The following ANKRD42 variants were observed in gnomAD, a reference collection of about 807,000 sequenced individuals.
ANKRD42 encodes the protein ankyrin repeat domain 42.
Under a neutral mutation model 51.5 loss-of-function variants are expected in ANKRD42, and 43 were observed. The ratio of observed to expected loss-of-function variants is 0.83; its 90% CI spans 0.65 to 1.08. The LOEUF (loss-of-function observed/expected upper bound fraction) is 1.08. Ranked by LOEUF, ANKRD42 falls within the 50% of genes least tolerant of loss-of-function variation. The pLI, the probability that ANKRD42 is intolerant of heterozygous loss-of-function variation, is 0.00. For missense variants in ANKRD42, 608 were observed against 629.3 expected (o/e 0.97, Z 0.36); for synonymous variants, 203 against 213.0 (o/e 0.95, Z 0.41).
downstream of ANKRD42, chr11:83,262,048 T>A: frequency 4.2e-6 from 4 of 956,088 alleles, no homozygotes; most frequent in African/African-American, 3.4e-5. Flanking sequence ...TATCTTTAAG[T>A]GAAGAGCAAA....
intron 5 of ANKRD42, among the ~76,000 whole-genome samples, chr11:83,217,202 A>ATC (rs1862568340): frequency 1.3e-5 from 2 of 152,350 alleles, no homozygotes; most frequent in South Asian, 4.1e-4. Context: ...GAGCCCAGGT[A>ATC]TCTATTGGTT....
intron 5 of ANKRD42, among the ~76,000 whole-genome samples, chr11:83,222,201 A>G (rs146153747): frequency 0.013 from 1,918 of 152,044 alleles, 42 homozygotes; most frequent in African/African-American, 0.044. Context: ...AGTGCTGTAT[A>G]TTTGTTTTTG....
chr11:83,197,728 T>C (rs1361969119), intron 1 of ANKRD42, among the ~76,000 whole-genome samples: 1 of 152,230 alleles, frequency 6.6e-6, no homozygotes, highest in Non-Finnish European at 1.5e-5. Context: ...TCACAATGCT[T>C]ATTAATTAAA....
intron 6 of ANKRD42, among the ~76,000 whole-genome samples, chr11:83,226,577 T>C (rs912642744): frequency 1.3e-5 from 2 of 152,234 alleles, no homozygotes; most frequent in South Asian, 2.1e-4. Flanking sequence ...TTAAGACTTT[T>C]ACTATAATGC....
intron 1 of ANKRD42, among the ~76,000 whole-genome samples, chr11:83,195,151 C>T (rs866343846): frequency 1.3e-5 from 2 of 152,186 alleles, no homozygotes; most frequent in South Asian, 4.1e-4. Flanking sequence ...AGCTTTTACC[C>T]CTTGATGATG....
At chr11:83,212,825 T>G in intron 5 of ANKRD42, 7 of 1,450,810 alleles carry the variant, frequency 4.8e-6, no homozygotes, top group Non-Finnish European at 5.5e-6. Flanking sequence ...TAGTGAAGTC[T>G]TTTGGTATGA....
chr11:83,218,449 T>A (rs1283513370), intron 5 of ANKRD42, among the ~76,000 whole-genome samples: 1 of 152,200 alleles, frequency 6.6e-6, no homozygotes, highest in African/African-American at 2.4e-5. Context: ...TAAGGTCTGA[T>A]CAAGGAGCAA....
downstream of ANKRD42, chr11:83,260,139 T>C (rs1423357624): frequency 2.0e-5 from 3 of 152,214 alleles, no homozygotes; most frequent in Admixed American, 6.5e-5. Flanking sequence ...CTACTGGAGC[T>C]TCCTTCACAT....
At chr11:83,247,575 A>G (rs2135559569) in intron 10 of ANKRD42, among the ~76,000 whole-genome samples, 1 of 152,306 alleles carries the variant, frequency 6.6e-6, no homozygotes, top group South Asian at 2.1e-4. Context: ...GCCACTGTGT[A>G]TGAAATGTTA....
At chr11:83,228,395 A>G (rs903641401) in intron 7 of ANKRD42, among the ~76,000 whole-genome samples, 8 of 151,292 alleles carry the variant, frequency 5.3e-5, no homozygotes, top group African/African-American at 1.9e-4. Flanking sequence ...CACCCGGCTA[A>G]TTTTTTGTCT....
At chr11:83,197,001 A>G (rs1472050570) in intron 1 of ANKRD42, among the ~76,000 whole-genome samples, 2 of 152,128 alleles carry the variant, frequency 1.3e-5, no homozygotes, top group African/African-American at 4.8e-5. Flanking sequence ...ATAGAACATC[A>G]TTTGTAGGTC....
intron 3 of ANKRD42, among the ~76,000 whole-genome samples, chr11:83,208,777 T>C (rs1862185800): frequency 6.6e-6 from 1 of 152,184 alleles, no homozygotes; most frequent in Non-Finnish European, 1.5e-5. Flanking sequence ...TTAATGTGTC[T>C]GTAGGTCATC....
At chr11:83,206,419 A>G (rs545397294) in intron 3 of ANKRD42, among the ~76,000 whole-genome samples, 1 of 152,182 alleles carries the variant, frequency 6.6e-6, no homozygotes. Flanking sequence ...TAACCAGATT[A>G]TCTCTTTTAT....
chr11:83,194,526 A>G lies in ANKRD42; in HGVS notation c.-145A>G, dbSNP rs1861547963. The G allele has an allele frequency of 7.7e-6, 6 of 775,300 alleles. No homozygotes were observed. Among genetic ancestry groups the G allele is most frequent in the Non-Finnish European group, 1.3e-5 (6 of 446,534 alleles). 48.0% of individuals were successfully genotyped at this position (775,300 alleles called of 1,614,324 possible). A position where few individuals can be genotyped will look rare whatever the true frequency, so the allele number is the denominator to read the frequency against. ...TCCGCTGCAGCTTCTGGGAGAGAGC[A>G]AGAGAGGACCTTGGGCCCCGTCCTA... On this transcript the variant is annotated 5_prime_UTR_variant, in exon 1 of 11. Transcript: ENST00000533342.
At position 83,245,750 on chromosome 11, in the gene ANKRD42, C is replaced by T; in HGVS notation, c.1322+126C>T. 7 of 1,079,110 alleles carry T rather than the reference C, an allele frequency of 6.5e-6. 1 individual carries two copies. In the South Asian group the frequency reaches 1.1e-4, roughly 17 times the overall value. 66.8% of individuals were successfully genotyped at this position (1,079,110 alleles called of 1,614,324 possible). On this transcript the variant is annotated intron_variant, in intron 10 of 10. Coordinates refer to ENST00000533342, the MANE Select transcript of ANKRD42 (RefSeq NM_001300975.2). ...GTGTTAGGTTCCATCCTGTTTTTCT[C>T]CTAAGCCCTTAGATGACAAAGGAGT...
At chr11:83,258,441 T>C (rs1451606120), downstream of ANKRD42, among the ~76,000 whole-genome samples, 1 of 152,176 alleles carries the variant, frequency 6.6e-6, no homozygotes, top group Non-Finnish European at 1.5e-5. Context: ...GGTTGAACCC[T>C]ACTAGTATAT....
At position 83,206,041 on chromosome 11, in the gene ANKRD42, C is replaced by T. The variant is rs759980425; in HGVS notation, c.223-17C>T. ...AAACATCCACTTTATCACTTGTTAACATGGTTATTTTCTTAGTGTCTTCAT... is the reference window on the plus strand; with the variant it reads ...AAACATCCACTTTATCACTTGTTAATATGGTTATTTTCTTAGTGTCTTCAT... On this transcript the variant is annotated splice_polypyrimidine_tract_variant and intron_variant, in intron 2 of 10. Coordinates refer to ENST00000533342, the MANE Select transcript of ANKRD42 (RefSeq NM_001300975.2). 6.3e-7 allele frequency: 1 copy of T among 1,594,724 alleles called. No individual in the cohort carries two copies. Among genetic ancestry groups the T allele is most frequent in the African/African-American group, 1.3e-5 (1 of 74,338 alleles).
chr11:83,252,561 C>A (rs998378638), downstream of ANKRD42, among the ~76,000 whole-genome samples: 1 of 152,160 alleles, frequency 6.6e-6, no homozygotes, highest in African/African-American at 2.4e-5. Context: ...ATGAATTTCA[C>A]AAACACTATG....
chr11:83,261,911 CT>C, downstream of ANKRD42: 1 of 1,601,902 alleles, frequency 6.2e-7, no homozygotes, highest in Non-Finnish European at 8.5e-7. Flanking sequence ...AGCATTAATA[CT>C]ACTTCCAGAA....
Sources: allele counts gnomAD v4.1 joint callset (sites outside exome capture counted in the v4.1 genomes callset), GRCh38; gene constraint gnomAD v4.1.1; transcripts MANE v1.5; gene names NCBI Gene and HGNC (gene_info 2026-07-23, HGNC 2026-07-21).